Variants in TDRD9 observed in about 807,000 individuals in gnomAD.
The protein encoded by TDRD9 is ATP-dependent RNA helicase TDRD9.
A neutral mutation model predicts 172.6 loss-of-function variants in TDRD9; 124 were observed. That is an observed-to-expected ratio of 0.72 (90% CI 0.62 to 0.83). The LOEUF (loss-of-function observed/expected upper bound fraction) is 0.83. Ranked by LOEUF, TDRD9 falls within the 40% of genes least tolerant of loss-of-function variation. TDRD9 has a pLI of 0.00. For missense variants in TDRD9, 1,479 were observed against 1,714.1 expected (o/e 0.86, Z 2.42); for synonymous variants, 619 against 617.1 (o/e 1.00, Z -0.05).
intron 33 of TDRD9, among the ~76,000 whole-genome samples, chr14:104,041,522 C>T (rs1270474963): frequency 6.6e-6 from 1 of 152,172 alleles, no homozygotes; most frequent in Non-Finnish European, 1.5e-5. Context: ...ACTCTTAAAA[C>T]TCAATTATAA....
intron 26 of TDRD9, 49 bp downstream of exon 26, chr14:104,025,825 C>T (rs779560402): frequency 3.4e-5 from 47 of 1,396,256 alleles, no homozygotes; most frequent in East Asian, 6.8e-5. Flanking sequence ...GACAGACAGA[C>T]GTACAGCAGT....
intron 29 of TDRD9, 104 bp from the exon 30 acceptor site, chr14:104,031,913 C>CTT: frequency 2.1e-5 from 15 of 702,414 alleles, no homozygotes; most frequent in Middle Eastern, 3.4e-4. Flanking sequence ...AATGAGATGT[C>CTT]TTTTTTTTTT....
rs1366397199 is a variant in TDRD9 at position 104,034,956 on chromosome 14, A to G, written c.3620-4A>G. 1.9e-6 allele frequency: 3 copies of G among 1,550,816 alleles called. No individual in the cohort carries two copies. In the South Asian group the frequency reaches 3.6e-5, roughly 18 times the overall value. ...CCGATGTTGATTTAGCATGACTTGA[A>G]CAGGATCTACGATGCTGCTGAGAGA... On this transcript the variant is annotated splice_polypyrimidine_tract_variant and splice_region_variant and intron_variant, in intron 31 of 35. Transcript: ENST00000409874.
chr14:103,961,563 GAAAAAGA>G (rs1705810083), intron 2 of TDRD9, among the ~76,000 whole-genome samples: 1 of 133,194 alleles, frequency 7.5e-6, no homozygotes, highest in Non-Finnish European at 1.6e-5. Context: ...ACTCTGTCCA[GAAAAAGA>G]AAAAAGAAAA....
chr14:103,972,374 C>T (rs1256989071), intron 6 of TDRD9, among the ~76,000 whole-genome samples: 1 of 151,892 alleles, frequency 6.6e-6, no homozygotes, highest in African/African-American at 2.4e-5. Flanking sequence ...CGAAATAGCA[C>T]CAAAGTGCAT....
At chr14:104,031,394 T>C (rs2035275063) in intron 29 of TDRD9, 131 bp downstream of exon 29, 1 of 753,006 alleles carries the variant, frequency 1.3e-6, no homozygotes, top group Non-Finnish European at 2.1e-6. Context: ...TTTCTCACAA[T>C]TGATCCTCTT....
chr14:104,038,144 A>G (rs1276907127), intron 32 of TDRD9, among the ~76,000 whole-genome samples: 1 of 152,124 alleles, frequency 6.6e-6, no homozygotes, highest in Non-Finnish European at 1.5e-5. Flanking sequence ...AGGCTAAGTC[A>G]CGTGTTGAGG....
At chr14:103,937,449 C>A (rs891193608) in intron 1 of TDRD9, among the ~76,000 whole-genome samples, 1 of 152,166 alleles carries the variant, frequency 6.6e-6, no homozygotes, top group African/African-American at 2.4e-5. Flanking sequence ...CTGTGACCTC[C>A]GTAGCTAAAG....
At chr14:103,936,037 G>A (rs529282489) in intron 1 of TDRD9, among the ~76,000 whole-genome samples, 1 of 152,184 alleles carries the variant, frequency 6.6e-6, no homozygotes, top group South Asian at 2.1e-4. Flanking sequence ...GTGGCAGAGT[G>A]ATGTTACCTA....
chr14:104,010,898 G>C (rs1595983358), intron 20 of TDRD9, among the ~76,000 whole-genome samples: 1 of 152,202 alleles, frequency 6.6e-6, no homozygotes, highest in South Asian at 2.1e-4. Context: ...CTGCATATAA[G>C]TGGGCCCTCG....
intron 9 of TDRD9, among the ~76,000 whole-genome samples, chr14:103,991,574 G>A (rs1269845352): frequency 2.0e-5 from 3 of 151,508 alleles, no homozygotes; most frequent in East Asian, 1.9e-4. Flanking sequence ...CACCACGCCC[G>A]GCTTATTTTT....
chr14:103,993,629 G>C (rs2033954039), intron 9 of TDRD9, among the ~76,000 whole-genome samples: 1 of 152,134 alleles, frequency 6.6e-6, no homozygotes, highest in African/African-American at 2.4e-5. Flanking sequence ...AGTGCTCCTT[G>C]ACCTGTGGCT....
At chr14:103,979,593 A>G (rs1182499580) in intron 7 of TDRD9, among the ~76,000 whole-genome samples, 2 of 152,208 alleles carry the variant, frequency 1.3e-5, no homozygotes, top group African/African-American at 2.4e-5. Flanking sequence ...TAATCTATTC[A>G]TGAGGCATCC....
At chr14:104,046,348 TG>T (rs2035775976) in intron 34 of TDRD9, among the ~76,000 whole-genome samples, 1 of 152,240 alleles carries the variant, frequency 6.6e-6, no homozygotes, top group African/African-American at 2.4e-5. Context: ...TCTCTCTTTT[TG>T]TAATTTTTTA....
intron 1 of TDRD9, among the ~76,000 whole-genome samples, chr14:103,938,380 ATATGTGTG>A (rs1182312780): frequency 1.1e-4 from 4 of 37,240 alleles, no homozygotes; most frequent in Non-Finnish European, 2.5e-4. Context: ...TGTGCCCCAT[ATATGTGTG>A]TGTGTGTGTG....
chr14:103,930,935 C>A (rs1213666651), intron 1 of TDRD9, among the ~76,000 whole-genome samples: 7 of 151,930 alleles, frequency 4.6e-5, no homozygotes, highest in African/African-American at 1.7e-4. Context: ...TTTATAAAAT[C>A]AATAAAAATG....
At chr14:103,946,066 A>G (rs1430039504) in intron 1 of TDRD9, among the ~76,000 whole-genome samples, 2 of 152,062 alleles carry the variant, frequency 1.3e-5, no homozygotes, top group Admixed American at 6.6e-5. Context: ...CCTGGGCTCA[A>G]GAGATTCTCC....
At chr14:103,970,495 T>C in intron 5 of TDRD9, 46 bp from the exon 6 acceptor site, 2 of 1,400,720 alleles carry the variant, frequency 1.4e-6, no homozygotes, top group Non-Finnish European at 2.0e-6. Flanking sequence ...GTGTCATGTG[T>C]GTTGCCTGAT....
At position 104,042,072 on chromosome 14, in the gene TDRD9, A is replaced by T; in HGVS notation, c.3859A>T (p.Asn1287Tyr). The T allele has an allele frequency of 1.3e-6, 2 of 1,594,966 alleles. No homozygotes were observed. The highest frequency in any genetic ancestry group is 1.7e-6 in the Non-Finnish European group (2 of 1,162,784). The change falls in exon 34 of 36, where the codon AAT (asparagine) becomes TAT (tyrosine). Residue 1287 changes from asparagine (N) to tyrosine (Y), a missense_variant. This residue lies in a region of TDRD9 where 1,413 missense variants were observed against 1,649.1 expected (regional missense o/e 0.86). Coordinates refer to ENST00000409874, the MANE Select transcript of TDRD9 (RefSeq NM_153046.3). ...TTATGTTGCTGTTCATTTACAGGTTAATATTCTCAGGGCTGCTATTAACAA... is the reference window on the plus strand; with the variant it reads ...TTATGTTGCTGTTCATTTACAGGTTTATATTCTCAGGGCTGCTATTAACAA... ...QFSVEDVVEV[N>Y]ILRAAINKLV...
Sources: gnomAD v4.1 joint callset for allele counts (sites outside exome capture counted in the v4.1 genomes callset) on GRCh38, gnomAD v4.1.1 for gene constraint, gnomAD v4.1.1 regional missense constraint, MANE v1.5 for transcripts, NCBI Gene and HGNC (gene_info 2026-07-23, HGNC 2026-07-21) for gene names.